TAFA2: variants seen among roughly 807,000 people sequenced by gnomAD.
The protein encoded by TAFA2 is chemokine-like protein TAFA-2.
Under a neutral mutation model 18.8 loss-of-function variants are expected in TAFA2, and 7 were observed. That is an observed-to-expected ratio of 0.37 (90% CI 0.21 to 0.70). TAFA2 has a LOEUF of 0.70. Ranked by LOEUF, TAFA2 falls within the 30% of genes least tolerant of loss-of-function variation. The pLI, the probability that TAFA2 is intolerant of heterozygous loss-of-function variation, is 0.53. For synonymous variants in TAFA2, 60 were observed against 54.2 expected (o/e 1.11, Z -0.47); for missense variants, 122 against 158.1 (o/e 0.77, Z 1.23).
At chr12:61,851,574 A>G (rs911854313) in intron 2 of TAFA2, among the ~76,000 whole-genome samples, 1 of 150,870 alleles carries the variant, frequency 6.6e-6, no homozygotes, top group Non-Finnish European at 1.5e-5. Context: ...CAGGAAATCG[A>G]GACCATCCTG....
intron 1 of TAFA2, among the ~76,000 whole-genome samples, chr12:62,037,328 C>T (rs1248503359): frequency 6.6e-6 from 1 of 152,214 alleles, no homozygotes; most frequent in East Asian, 1.9e-4. Flanking sequence ...CTTAAGCACA[C>T]TAGAAGGAAA....
chr12:61,797,492 T>C (rs989167888), intron 2 of TAFA2, among the ~76,000 whole-genome samples: 1 of 151,734 alleles, frequency 6.6e-6, no homozygotes. Context: ...AGCTGCTGAG[T>C]GAGGAAATGG....
At chr12:62,218,635 T>C (rs1374803834) in intron 1 of TAFA2, among the ~76,000 whole-genome samples, 1 of 152,240 alleles carries the variant, frequency 6.6e-6, no homozygotes, top group Non-Finnish European at 1.5e-5. Context: ...TATTTTATAA[T>C]ATAGTACTAC....
At chr12:61,727,352 C>A (rs1565752063) in intron 4 of TAFA2, among the ~76,000 whole-genome samples, 2 of 147,550 alleles carry the variant, frequency 1.4e-5, no homozygotes, top group South Asian at 4.2e-4. Flanking sequence ...GGTCCTGGAC[C>A]TTTTTTTTTT....
At chr12:62,161,585 C>T (rs1412773720) in intron 1 of TAFA2, among the ~76,000 whole-genome samples, 4 of 152,100 alleles carry the variant, frequency 2.6e-5, no homozygotes, top group African/African-American at 9.7e-5. Flanking sequence ...TGAGAGATGA[C>T]TTAATGGGTG....
chr12:62,083,621 C>T (rs948825005), intron 1 of TAFA2, among the ~76,000 whole-genome samples: 4 of 152,162 alleles, frequency 2.6e-5, no homozygotes, highest in Non-Finnish European at 5.9e-5. Flanking sequence ...AAGACATGAA[C>T]ATCATTTACA....
intron 4 of TAFA2, among the ~76,000 whole-genome samples, chr12:61,749,587 A>C (rs1381156507): frequency 1.3e-5 from 2 of 152,150 alleles, no homozygotes; most frequent in African/African-American, 4.8e-5. Flanking sequence ...AAATAATATC[A>C]TAATGCATAC....
intron 3 of TAFA2, among the ~76,000 whole-genome samples, 162 bp from the exon 4 acceptor site, chr12:61,753,908 G>C (rs1869139670): frequency 6.6e-6 from 1 of 151,976 alleles, no homozygotes; most frequent in South Asian, 2.1e-4. Flanking sequence ...AACCTTTCAA[G>C]ATTTTCTAAC....
intron 4 of TAFA2, among the ~76,000 whole-genome samples, chr12:61,743,154 T>C (rs1868535411): frequency 6.6e-6 from 1 of 152,044 alleles, no homozygotes; most frequent in South Asian, 2.1e-4. Context: ...CATGAAATGG[T>C]TTCAATTCCA....
At chr12:62,014,662 T>C (rs1880873146) in intron 1 of TAFA2, among the ~76,000 whole-genome samples, 2 of 152,212 alleles carry the variant, frequency 1.3e-5, no homozygotes, top group South Asian at 4.1e-4. Context: ...TAAAATCATG[T>C]TCAGTTGTCA....
intron 1 of TAFA2, among the ~76,000 whole-genome samples, chr12:61,903,592 T>C (rs756123304): frequency 1.1e-4 from 16 of 152,180 alleles, no homozygotes; most frequent in Non-Finnish European, 1.9e-4. Flanking sequence ...ATTAGATAAA[T>C]AAATTTTTAA....
At chr12:61,753,768 G>T in intron 3 of TAFA2, 22 bp from the exon 4 acceptor site, 1 of 1,584,440 alleles carries the variant, frequency 6.3e-7, no homozygotes, top group Admixed American at 1.8e-5. Flanking sequence ...AAAAAAAATT[G>T]ACTCAACATT....
At chr12:61,980,921 T>C (rs561529765) in intron 1 of TAFA2, among the ~76,000 whole-genome samples, 3 of 152,290 alleles carry the variant, frequency 2.0e-5, no homozygotes, top group Admixed American at 2.0e-4. Context: ...TGCATCAAGC[T>C]ACCAATGACT....
chr12:61,764,263 T>C (rs1339776240), intron 2 of TAFA2, among the ~76,000 whole-genome samples: 1 of 90,564 alleles, frequency 1.1e-5, no homozygotes, highest in Non-Finnish European at 2.4e-5. Context: ...TAGATAGATT[T>C]TTAATGGCAA....
In TAFA2 at chr12:61,774,472, G is replaced by A. The variant is rs1015378786; in HGVS notation, c.107-19448C>T. Reference sequence around the variant, plus strand: ...TGAATAAAGAAAATATATATACCATGGAATACTACTCAGCTATAAAAATGA... The same window carrying A: ...TGAATAAAGAAAATATATATACCATAGAATACTACTCAGCTATAAAAATGA... On this transcript the variant is annotated intron_variant, in intron 2 of 4. Transcript: ENST00000416284. 2.0e-5 allele frequency among the ~76,000 whole-genome samples: 3 copies of A among 151,646 alleles called. 1 individual carries two copies.
intron 1 of TAFA2, among the ~76,000 whole-genome samples, chr12:61,939,115 C>CACCCT (rs1222364809): frequency 6.6e-6 from 1 of 152,138 alleles, no homozygotes; most frequent in African/African-American, 2.4e-5. Flanking sequence ...AGTCCAGGCA[C>CACCCT]ACCCTACTAG....
intron 1 of TAFA2, among the ~76,000 whole-genome samples, chr12:61,902,647 A>G (rs550780089): frequency 2.0e-5 from 3 of 152,192 alleles, no homozygotes; most frequent in South Asian, 2.1e-4. Context: ...TTCTCTGTTT[A>G]CAATTTTGAC....
At chr12:61,941,591 T>C (rs1878017560) in intron 1 of TAFA2, among the ~76,000 whole-genome samples, 1 of 152,110 alleles carries the variant, frequency 6.6e-6, no homozygotes, top group Non-Finnish European at 1.5e-5. Context: ...GGCCAGTGGG[T>C]GCGTGCACCG....
At chr12:61,797,217 G>A (rs899812015) in intron 2 of TAFA2, among the ~76,000 whole-genome samples, 19 of 152,096 alleles carry the variant, frequency 1.2e-4, no homozygotes, top group African/African-American at 4.6e-4. Context: ...TGAGGCTAAT[G>A]AATAGTTTAC....
Sources: gnomAD v4.1 joint callset for allele counts (sites outside exome capture counted in the v4.1 genomes callset) on GRCh38, gnomAD v4.1.1 for gene constraint, MANE v1.5 for transcripts, NCBI Gene and HGNC (gene_info 2026-07-23, HGNC 2026-07-21) for gene names.